MED25: variants seen among roughly 807,000 people sequenced by gnomAD.
MED25 encodes mediator complex subunit 25, also known as mediator of RNA polymerase II transcription subunit 25.
MED25 carries 62 observed loss-of-function variants against 89.4 expected under a neutral mutation model. The observed-to-expected ratio is 0.69, with a 90% CI of 0.57 to 0.86. The LOEUF (loss-of-function observed/expected upper bound fraction) is 0.86, where lower values mean the gene tolerates loss of function less well. MED25 is among the 40% of genes least tolerant of loss of function. MED25 has a pLI of 0.00. For missense variants in MED25, 905 were observed against 1,005.2 expected (o/e 0.90, Z 1.35); for synonymous variants, 449 against 427.9 (o/e 1.05, Z -0.61).
Position 49,830,444 on chromosome 19 carries a change from G to C in MED25, c.820-67G>C. The C allele has an allele frequency of 6.5e-7, 1 of 1,527,114 alleles. No homozygotes were observed. The highest frequency in any genetic ancestry group is 1.4e-5 in the African/African-American group (1 of 73,334). The allele number at this position is 1,527,114 out of a possible 1,614,324, so 94.6% of individuals were successfully genotyped here. On this transcript the variant is annotated intron_variant, in intron 7 of 17. Transcript: ENST00000312865. This position sits in a 1 kb window ranked among gnomAD's most constrained non-coding sequence, Gnocchi z 4.6. The stretch of plus-strand genomic sequence containing the variant: ...ATGGGGCCATGGGTGGTGTGACCTC[G>C]TGGGATACCAGGACTGGGGGGCCAT...
chr19:49,831,513 C>T lies in MED25; in HGVS notation c.1230+52C>T. The T allele has an allele frequency of 6.3e-7, 1 of 1,592,172 alleles. No homozygotes were observed. On this transcript the variant is annotated intron_variant, in intron 10 of 17. Coordinates refer to ENST00000312865, the MANE Select transcript of MED25 (RefSeq NM_030973.4). The surrounding 1 kb of genome is among the most constrained non-coding windows in gnomAD (Gnocchi z 5.0). ...ACTTGGGACTCCTGGGGCCGTGGGG[C>T]TGGGCATGTAGGACTCATGGGGCCA...
Position 49,835,930 on chromosome 19 carries a change from C to T in MED25, c.1950C>T (p.Leu650=), listed in dbSNP as rs749309483. 9.9e-6 allele frequency: 16 copies of T among 1,612,822 alleles called. No homozygotes were observed. The East Asian group carries it at 2.2e-4, about 22-fold the overall frequency. The change falls in exon 16 of 18, where the codon CTC becomes CTT. Residue 650 remains leucine (L), a synonymous_variant. Transcript: ENST00000312865. The surrounding 1 kb of genome is among the most constrained non-coding windows in gnomAD (Gnocchi z 6.2). ...PGANPQLRSL[L]LNPPPPQTGV... is the part of the protein sequence containing the mutation. ...CCAACCCTCAGCTGCGAAGCCTCCT[C>T]CTCAACCCACCACCGGTGAGATGTT...
In MED25 at chr19:49,836,270, C is replaced by G; in HGVS notation, c.2010C>G (p.Leu670=). ...VPPPQASLHH[L]QPPGAPALLP... is the part of the protein sequence containing the mutation. ...CACCCCAGGCCTCCCTCCACCACCT[C>G]CAGCCACCAGGGGCTCCTGCGCTGC... is the stretch of plus-strand genomic sequence containing the variant. The change falls in exon 17 of 18, where the codon CTC becomes CTG. Residue 670 remains leucine (L), a synonymous_variant. Transcript: ENST00000312865. This position sits in a 1 kb window ranked among gnomAD's most constrained non-coding sequence, Gnocchi z 5.1. 1 of 1,612,552 alleles carries G rather than the reference C, an allele frequency of 6.2e-7. No individual in the cohort carries two copies. The highest frequency in any genetic ancestry group is 1.1e-5 in the South Asian group (1 of 91,052).
chr19:49,835,461 C>A lies in MED25; in HGVS notation c.1675-73C>A. On this transcript the variant is annotated intron_variant, in intron 14 of 17. Transcript: ENST00000312865. This position sits in a 1 kb window ranked among gnomAD's most constrained non-coding sequence, Gnocchi z 6.2. Reference sequence around the variant, plus strand: ...ATCTCCTTACTAGTTCCCCTCAGGGCACAGGCCCTCCCGCCTCAGATTCAG... The same window carrying A: ...ATCTCCTTACTAGTTCCCCTCAGGGAACAGGCCCTCCCGCCTCAGATTCAG... 1 of 1,425,484 alleles carries A rather than the reference C, an allele frequency of 7.0e-7. No homozygotes were observed. Among genetic ancestry groups the A allele is most frequent in the Non-Finnish European group, 9.5e-7 (1 of 1,058,048 alleles). 88.3% of individuals were successfully genotyped at this position (1,425,484 alleles called of 1,614,324 possible).
chr19:49,832,617 T>C lies in MED25; in HGVS notation c.1482+202T>C, dbSNP rs150526416. Among the ~76,000 whole-genome samples the C allele has an allele frequency of 1.6e-4, 24 of 152,246 alleles. No individual in the cohort carries two copies. In the East Asian group the frequency reaches 4.6e-3, roughly 29 times the overall value. On this transcript the variant is annotated intron_variant, in intron 13 of 17. Transcript: ENST00000312865. ...CGTATGCACCAGATTTGAGGGATAT[T>C]CCACATTAAAAATGTGAGCTGGATG...
intron 3 of MED25, among the ~76,000 whole-genome samples, chr19:49,822,573 G>A (rs1368341315): frequency 6.6e-6 from 1 of 151,698 alleles, no homozygotes; most frequent in Non-Finnish European, 1.5e-5. Context: ...TGCACCCAGA[G>A]GCCCCACTAG....
chr19:49,825,855 AAG>A, intron 3 of MED25, among the ~76,000 whole-genome samples: 1 of 151,970 alleles, frequency 6.6e-6, no homozygotes, highest in Admixed American at 6.6e-5. Flanking sequence ...TATCACCCCA[AAG>A]AGGACACCCC....
intron 3 of MED25, among the ~76,000 whole-genome samples, chr19:49,827,789 C>T (rs1053782445): frequency 3.9e-5 from 6 of 152,134 alleles, no homozygotes; most frequent in Admixed American, 6.6e-5. Flanking sequence ...GGGGCCAGGA[C>T]TGATTTGGAG....
chr19:49,828,929 T>A (rs1302734036), intron 4 of MED25, 41 bp from the exon 5 acceptor site: 2 of 1,612,808 alleles, frequency 1.2e-6, no homozygotes. Context: ...TCTCAGGGCC[T>A]CTGTTGCTGC....
intron 2 of MED25, 176 bp from the exon 3 acceptor site, chr19:49,818,996 T>C: frequency 1.3e-6 from 1 of 785,700 alleles, no homozygotes; most frequent in Non-Finnish European, 2.1e-6. Flanking sequence ...GCCGGGGGCC[T>C]GGATTCCTGG....
chr19:49,823,271 C>T (rs1186034479), intron 3 of MED25, among the ~76,000 whole-genome samples: 3 of 152,166 alleles, frequency 2.0e-5, no homozygotes, highest in African/African-American at 4.8e-5. Flanking sequence ...CCACTTCTGC[C>T]ATACTGCATT....
rs2056243029 is a variant in MED25, at chr19:49,831,996, G to A, written c.1291G>A (p.Val431Ile). 1.2e-6 allele frequency: 2 copies of A among 1,614,046 alleles called. No individual in the cohort carries two copies. The highest frequency in any genetic ancestry group is 1.1e-5 in the South Asian group (1 of 91,084). Residue 431 changes from valine (V) to isoleucine (I), a missense_variant, in exon 11 of 18, where the codon GTC becomes ATC. By Grantham distance (29) the Val-to-Ile change is conservative (BLOSUM62 3). This residue lies in a region of MED25 where 133 missense variants were observed against 220.2 expected (regional missense o/e 0.60). Transcript: ENST00000312865. This position sits in a 1 kb window ranked among gnomAD's most constrained non-coding sequence, Gnocchi z 5.0. ...TKLTRSLPCQ[V>I]YVNHGENLKT... is the part of the protein sequence containing the mutation. ...GCTGACGCGGTCACTGCCCTGCCAG[G>A]TCTACGTGAATCATGGCGAGAACCT...
At chr19:49,824,247 C>G (rs1173312270) in intron 3 of MED25, among the ~76,000 whole-genome samples, 7 of 152,172 alleles carry the variant, frequency 4.6e-5, no homozygotes, top group Non-Finnish European at 1.5e-5. Flanking sequence ...CCGATTCTTG[C>G]AGCCAGATGC....
chr19:49,830,934 C>G lies in MED25; in HGVS notation c.1101+47C>G, dbSNP rs376262546. On this transcript the variant is annotated intron_variant, in intron 9 of 17. Transcript: ENST00000312865. This position sits in a 1 kb window ranked among gnomAD's most constrained non-coding sequence, Gnocchi z 4.6. ...GCCCCTGCTCCTTCCTCCTGCTGTCCACAGCTAGGACAGTTAGAGGATGAG... is the reference window on the plus strand; with the variant it reads ...GCCCCTGCTCCTTCCTCCTGCTGTCGACAGCTAGGACAGTTAGAGGATGAG... The G allele has an allele frequency of 2.6e-6, 4 of 1,545,548 alleles. No homozygotes were observed. The South Asian group carries it at 4.5e-5, about 17-fold the overall frequency.
Position 49,830,124 on chromosome 19 carries a change from A to G in MED25, c.725A>G (p.Lys242Arg), listed in dbSNP as rs2074043844. Reference sequence around the variant, plus strand: ...TCAGCCCCAGGCCCCCTCCAGTCAAAGCAGCCAGTCCCCCTGCCTCCCGCC... The same window carrying G: ...TCAGCCCCAGGCCCCCTCCAGTCAAGGCAGCCAGTCCCCCTGCCTCCCGCC... ...GGSAPGPLQSKQPVPLPPAAP... is the reference protein window; with the variant it reads ...GGSAPGPLQSRQPVPLPPAAP... The change falls in exon 7 of 18, where the codon AAG becomes AGG. Residue 242 changes from lysine to arginine, a missense_variant. Physicochemically the swap from Lys to Arg is conservative, Grantham distance 26. Coordinates refer to ENST00000312865, the MANE Select transcript of MED25 (RefSeq NM_030973.4). This position sits in a 1 kb window ranked among gnomAD's most constrained non-coding sequence, Gnocchi z 4.6. 1 of 1,608,374 alleles carries G rather than the reference A, an allele frequency of 6.2e-7. No individual in the cohort carries two copies.
Position 49,830,873 on chromosome 19 carries a change from G to A in MED25, c.1087G>A (p.Gly363Arg), listed in dbSNP as rs145507089. 8.7e-6 allele frequency: 14 copies of A among 1,610,332 alleles called. No individual in the cohort carries two copies. Among genetic ancestry groups the A allele is most frequent in the African/African-American group, 6.7e-5 (5 of 74,870 alleles). Residue 363 changes from glycine to arginine, a missense_variant, in exon 9 of 18, where the codon GGG becomes AGG. Gly to Arg is a moderately radical substitution (Grantham distance 125). Transcript: ENST00000312865. This position sits in a 1 kb window ranked among gnomAD's most constrained non-coding sequence, Gnocchi z 4.6. ...CGGCCTGGCTCCCACGGCACAGCCCGGGGCACCGTCCATGGTAGGTGCCTG... is the reference window on the plus strand; with the variant it reads ...CGGCCTGGCTCCCACGGCACAGCCCAGGGCACCGTCCATGGTAGGTGCCTG... ...GSGLAPTAQPGAPSMAGTVAP... is the reference protein window; with the variant it reads ...GSGLAPTAQPRAPSMAGTVAP...
At position 49,836,183 on chromosome 19, in the gene MED25, G is replaced by A; in HGVS notation, c.1966-43G>A. The A allele has an allele frequency of 3.7e-6, 6 of 1,600,060 alleles. No homozygotes were observed. Among genetic ancestry groups the A allele is most frequent in the Non-Finnish European group, 4.3e-6 (5 of 1,170,922 alleles). On this transcript the variant is annotated intron_variant, in intron 16 of 17. Transcript: ENST00000312865. This position sits in a 1 kb window ranked among gnomAD's most constrained non-coding sequence, Gnocchi z 5.1. ...CAGTGTCTGTGTTGAGAGGTGGGGA[G>A]TCTCTACCAGGAGCCTCTGAGCCAC...
intron 3 of MED25, among the ~76,000 whole-genome samples, chr19:49,821,709 G>C (rs912215870): frequency 6.6e-6 from 1 of 151,946 alleles, no homozygotes; most frequent in African/African-American, 2.4e-5. Context: ...CCCAGCTCTT[G>C]GGAGGCTGAG....
chr19:49,830,325 C>A lies in MED25; in HGVS notation c.819+107C>A. 7.8e-7 allele frequency: 1 copy of A among 1,278,694 alleles called. No individual in the cohort carries two copies. Among genetic ancestry groups the A allele is most frequent in the South Asian group, 1.2e-5 (1 of 80,698 alleles). The allele number at this position is 1,278,694 out of a possible 1,614,324, so 79.2% of individuals were successfully genotyped here. A position where few individuals can be genotyped will look rare whatever the true frequency, so the allele number is the denominator to read the frequency against. ...GGAGCTTGTGGGATGATGGGAGTCC[C>A]ATGGGACATTGGGAAGGTGGGACTC... On this transcript the variant is annotated intron_variant, in intron 7 of 17. Transcript: ENST00000312865. This position sits in a 1 kb window ranked among gnomAD's most constrained non-coding sequence, Gnocchi z 4.6.
Sources: gnomAD v4.1 joint callset for allele counts (sites outside exome capture counted in the v4.1 genomes callset) on GRCh38, gnomAD v4.1.1 for gene constraint, gnomAD v4.1.1 regional missense constraint, Gnocchi (gnomAD v3.1) non-coding constraint, MANE v1.5 for transcripts, NCBI Gene and HGNC (gene_info 2026-07-23, HGNC 2026-07-21) for gene names.